The following MYO7B variants were observed in gnomAD, a reference collection of about 807,000 sequenced individuals.
MYO7B encodes the protein myosin VIIB.
MYO7B carries 212 observed loss-of-function variants against 259.7 expected under a neutral mutation model. That is an observed-to-expected ratio of 0.82 (90% CI 0.73 to 0.91). The LOEUF (loss-of-function observed/expected upper bound fraction) is 0.91, where lower values mean the gene tolerates loss of function less well. Among genes scored for constraint, MYO7B ranks in the 40% least tolerant of loss-of-function variants. MYO7B has a pLI of 0.00. For synonymous variants in MYO7B, 1,197 were observed against 1,166.4 expected, an observed-to-expected ratio of 1.03 and a Z score of -0.54; for missense variants, 2,732 against 2,813.5, an observed-to-expected ratio of 0.97 and a Z score of 0.66.
Position 127,582,022 on chromosome 2 carries a change from A to G in MYO7B, c.1200+12A>G, listed in dbSNP as rs771432677. 6.2e-7 allele frequency: 1 copy of G among 1,613,528 alleles called. No individual in the cohort carries two copies. The highest frequency in any genetic ancestry group is 1.3e-5 in the African/African-American group (1 of 75,032). On this transcript the variant is annotated intron_variant, in intron 11 of 47. Transcript: ENST00000409816. ...ACGCCTTTGTCAAGGTACAGAGCTGAGAGAGCAGGGCTTACATGGCCATCT... is the reference window on the plus strand; with the variant it reads ...ACGCCTTTGTCAAGGTACAGAGCTGGGAGAGCAGGGCTTACATGGCCATCT...
At position 127,608,850 on chromosome 2, in the gene MYO7B, A is replaced by G. The variant is rs756416605; in HGVS notation, c.2786A>G (p.Gln929Arg). The G allele has an allele frequency of 6.8e-6, 11 of 1,613,172 alleles. No individual in the cohort carries two copies. Among genetic ancestry groups the G allele is most frequent in the Non-Finnish European group, 9.3e-6 (11 of 1,179,790 alleles). Residue 929 changes from glutamine to arginine, a missense_variant, in exon 22 of 48, where the codon CAG (glutamine) becomes CGG (arginine). Gln to Arg is a conservative substitution (Grantham distance 43). Coordinates refer to ENST00000409816, the MANE Select transcript of MYO7B (RefSeq NM_001393586.1). ...FGFLPAMIGG[Q>R]EGQASPHFED... Reference sequence around the variant, plus strand: ...TTCCTCCCTGCCATGATTGGGGGCCAGGAGGGCCAGGCCTCGCCGCACTTT... The same window carrying G: ...TTCCTCCCTGCCATGATTGGGGGCCGGGAGGGCCAGGCCTCGCCGCACTTT...
chr2:127,632,330 G>C lies in MYO7B; in HGVS notation c.5334G>C (p.Gln1778His). Residue 1778 changes from glutamine to histidine, a missense_variant, in exon 39 of 48, where the codon CAG becomes CAC. Around this residue, in one of 3 missense-constraint regions of MYO7B, gnomAD observed 821 missense variants for 769.3 expected, o/e 1.07. Transcript: ENST00000409816. ...PPSKGLLPHA[Q>H]KFIDTRRGKL... The stretch of plus-strand genomic sequence containing the variant: ...GCAAGGGGCTGCTGCCCCATGCCCA[G>C]AAGTTTATAGACACTCGGAGGGGGA... 6.2e-7 allele frequency: 1 copy of C among 1,608,406 alleles called. No individual in the cohort carries two copies.
chr2:127,583,087 G>C (rs569689367), intron 12 of MYO7B, among the ~76,000 whole-genome samples: 1 of 152,352 alleles, frequency 6.6e-6, no homozygotes, highest in East Asian at 1.9e-4. Flanking sequence ...ACTGGTACAA[G>C]CAGGCTGACA....
intron 24 of MYO7B, 58 bp downstream of exon 24, chr2:127,610,074 G>A: frequency 6.3e-7 from 1 of 1,580,314 alleles, no homozygotes. Context: ...GCCTACCAGG[G>A]CCCAGTCCCT....
chr2:127,634,081 A>G, intron 40 of MYO7B, 95 bp from the exon 41 acceptor site: 1 of 993,366 alleles, frequency 1.0e-6, no homozygotes, highest in Non-Finnish European at 1.5e-6. Flanking sequence ...CCCAAGTTTC[A>G]TGAAGGAGCA....
At chr2:127,637,091 C>T (rs1397573641) in intron 47 of MYO7B, 178 bp downstream of exon 47, 7 of 1,198,198 alleles carry the variant, frequency 5.8e-6, no homozygotes, top group Non-Finnish European at 8.3e-6. Flanking sequence ...GCCAAGGTGG[C>T]AAGGCCAGGC....
Position 127,627,164 on chromosome 2 carries a change from C to G in MYO7B, c.4334-20C>G. On this transcript the variant is annotated intron_variant, in intron 32 of 47. Transcript: ENST00000409816. This position sits in a 1 kb window ranked among gnomAD's most constrained non-coding sequence, Gnocchi z 5.6. ...CCAGGGGTCCCATGCAGCCTTCACA[C>G]TGCCGTCTCTCCTGGCCAGGCCCCC... The G allele has an allele frequency of 6.2e-7, 1 of 1,604,468 alleles. No individual in the cohort carries two copies. Among genetic ancestry groups the G allele is most frequent in the Non-Finnish European group, 8.5e-7 (1 of 1,175,740 alleles).
chr2:127,632,340 G>A lies in MYO7B; in HGVS notation c.5344G>A (p.Asp1782Asn). 2 of 1,604,870 alleles carry A rather than the reference G, an allele frequency of 1.2e-6. No homozygotes were observed. Among genetic ancestry groups the A allele is most frequent in the Non-Finnish European group, 1.7e-6 (2 of 1,175,728 alleles). ...GCTGCCCCATGCCCAGAAGTTTATA[G>A]ACACTCGGAGGGGGAAGCTGCTGGC... is the stretch of plus-strand genomic sequence containing the variant. ...GLLPHAQKFI[D>N]TRRGKLLAPD... is the part of the protein sequence containing the mutation. The change falls in exon 39 of 48, where the codon GAC (aspartate) becomes AAC (asparagine). Residue 1782 changes from aspartate (D) to asparagine (N), a missense_variant. Asp to Asn is a conservative substitution (Grantham distance 23, BLOSUM62 1). This residue lies in a region of MYO7B where 821 missense variants were observed against 769.3 expected (regional missense o/e 1.07). Transcript: ENST00000409816.
Position 127,611,783 on chromosome 2 carries a change from T to A in MYO7B, c.3193-467T>A, listed in dbSNP as rs941772745. 6.6e-6 allele frequency among the ~76,000 whole-genome samples: 1 copy of A among 152,136 alleles called. No homozygotes were observed. The highest frequency in any genetic ancestry group is 1.5e-5 in the Non-Finnish European group (1 of 68,008). ...GCCAGTCCCTCCCTCCTACCTGGCC[T>A]CTCAACCCCGGCTCTTCGGATCCCC... is the stretch of plus-strand genomic sequence containing the variant. On this transcript the variant is annotated intron_variant, in intron 24 of 47. Transcript: ENST00000409816. This position sits in a 1 kb window ranked among gnomAD's most constrained non-coding sequence, Gnocchi z 5.4.
At chr2:127,552,326 T>A (rs1693475163) in intron 1 of MYO7B, among the ~76,000 whole-genome samples, 1 of 152,022 alleles carries the variant, frequency 6.6e-6, no homozygotes, top group South Asian at 2.1e-4. Flanking sequence ...TAGTTGGGGA[T>A]GGAAATGAAG....
Position 127,580,744 on chromosome 2 carries a change from A to C in MYO7B, c.1004-2A>C, listed in dbSNP as rs761207322. 6.2e-7 allele frequency: 1 copy of C among 1,611,978 alleles called. No homozygotes were observed. Among genetic ancestry groups the C allele is most frequent in the East Asian group, 2.2e-5 (1 of 44,820 alleles). ...ACTCAGCATTCCTGCTTCTCTCTCT[A>C]GCTTCGGTCTTCGAGAACCTGGACG... On this transcript the variant is annotated splice_acceptor_variant, in intron 9 of 47. Transcript: ENST00000409816. LOFTEE classifies it high-confidence loss of function.
Position 127,609,741 on chromosome 2 carries a change from G to T in MYO7B, c.3024+26G>T, listed in dbSNP as rs367798052. 6.2e-7 allele frequency: 1 copy of T among 1,613,642 alleles called. No individual in the cohort carries two copies. Among genetic ancestry groups the T allele is most frequent in the African/African-American group, 1.3e-5 (1 of 74,934 alleles). ...GTACCAGGGTTCACTGGCTTCTAGTGGATCAGGCCAGCCCCGAGCCTGGGG... is the reference window on the plus strand; with the variant it reads ...GTACCAGGGTTCACTGGCTTCTAGTTGATCAGGCCAGCCCCGAGCCTGGGG... On this transcript the variant is annotated intron_variant, in intron 23 of 47. Coordinates refer to ENST00000409816, the MANE Select transcript of MYO7B (RefSeq NM_001393586.1). The surrounding 1 kb of genome is among the most constrained non-coding windows in gnomAD (Gnocchi z 6.9).
At chr2:127,631,547 C>T in intron 37 of MYO7B, 53 bp from the exon 38 acceptor site, 1 of 1,593,642 alleles carries the variant, frequency 6.3e-7, no homozygotes, top group South Asian at 1.1e-5. Context: ...CGTCTATCCC[C>T]AGTCTGTGTC....
rs1486200470 is a variant in MYO7B, at chr2:127,597,354, A to G, written c.2339+798A>G. ...TAAGAAACAATACAGAGATATTGCC[A>G]TAATCTTCACCCATTTCCCCCAGTG... On this transcript the variant is annotated intron_variant, in intron 19 of 47. Coordinates refer to ENST00000409816, the MANE Select transcript of MYO7B (RefSeq NM_001393586.1). The surrounding 1 kb of genome is among the most constrained non-coding windows in gnomAD (Gnocchi z 4.8). Among the ~76,000 whole-genome samples, 3 of 152,214 alleles carry G rather than the reference A, an allele frequency of 2.0e-5. No homozygotes were observed. The highest frequency in any genetic ancestry group is 2.9e-5 in the Non-Finnish European group (2 of 68,040).
At chr2:127,593,138 G>A (rs1181244968) in intron 17 of MYO7B, among the ~76,000 whole-genome samples, 192 bp downstream of exon 17, 1 of 152,184 alleles carries the variant, frequency 6.6e-6, no homozygotes, top group Non-Finnish European at 1.5e-5. Flanking sequence ...GCGGAAGTGA[G>A]GGGGCTTTCC....
intron 14 of MYO7B, 105 bp from the exon 15 acceptor site, chr2:127,588,287 G>GTGTAGGAGGAGCGTGTAGGA: frequency 7.6e-7 from 1 of 1,313,102 alleles, no homozygotes; most frequent in Admixed American, 2.2e-5. Flanking sequence ...TTGTAGGAGG[G>GTGTAGGAGGAGCGTGTAGGA]GGCTCCTCCA....
At position 127,564,243 on chromosome 2, in the gene MYO7B, T is replaced by G; in HGVS notation, c.109T>G (p.Leu37Val). 6.3e-7 allele frequency: 1 copy of G among 1,577,602 alleles called. No homozygotes were observed. Among genetic ancestry groups the G allele is most frequent in the Non-Finnish European group, 8.6e-7 (1 of 1,161,934 alleles). The change falls in exon 3 of 48, where the codon TTG becomes GTG. Residue 37 changes from leucine to valine, a missense_variant. Coordinates refer to ENST00000409816, the MANE Select transcript of MYO7B (RefSeq NM_001393586.1). ...CAAAGAGGCAAAGCCAGGCAAAGTC[T>G]TGGTTGAAGATGACGAGGGCAAGGT... ...IIKEAKPGKV[L>V]VEDDEGKEHW...
At chr2:127,562,511 C>T (rs1228922577) in intron 2 of MYO7B, among the ~76,000 whole-genome samples, 34 of 90,822 alleles carry the variant, frequency 3.7e-4, no homozygotes, top group Middle Eastern at 0.024. Context: ...TTTTTTGAGA[C>T]GGAGTCTTGC....
rs1347870374 is a variant in MYO7B, at chr2:127,636,492, GTGCAGCCTGGCCTCCCGGGC to G, written c.6124-50_6124-31del. On this transcript the variant is annotated intron_variant, in intron 45 of 47. Transcript: ENST00000409816. This position sits in a 1 kb window ranked among gnomAD's most constrained non-coding sequence, Gnocchi z 4.5. ...TGTGGCCTAGATGAGCTCCTGGGAG[GTGCAGCCTGGCCTCCCGGGC>G]TGGACTATGACCGCCGTGTCCCTCC... 1.3e-6 allele frequency: 2 copies of G among 1,553,686 alleles called. No individual in the cohort carries two copies. Among genetic ancestry groups the G allele is most frequent in the African/African-American group, 2.7e-5 (2 of 73,280 alleles).
Sources: allele counts gnomAD v4.1 joint callset (sites outside exome capture counted in the v4.1 genomes callset), GRCh38; gene constraint gnomAD v4.1.1; regional missense constraint gnomAD v4.1.1; non-coding constraint Gnocchi (gnomAD v3.1); transcripts MANE v1.5; gene names NCBI Gene and HGNC (gene_info 2026-07-23, HGNC 2026-07-21).